EYS: variants seen among roughly 807,000 people sequenced by gnomAD.
The protein encoded by EYS is protein eyes shut homolog.
A neutral mutation model predicts 282.1 loss-of-function variants in EYS; 250 were observed. The ratio of observed to expected loss-of-function variants is 0.89; its 90% CI spans 0.80 to 0.98. EYS has a LOEUF of 0.98. Among genes scored for constraint, EYS ranks in the 50% least tolerant of loss-of-function variants. EYS has a pLI of 0.00. For synonymous variants in EYS, 1,355 were observed against 1,282.9 expected (o/e 1.06, Z -1.20); for missense variants, 4,016 against 3,709.0 (o/e 1.08, Z -2.15).
At chr6:65,145,046 C>T (rs190442593) in intron 12 of EYS, among the ~76,000 whole-genome samples, 1 of 152,026 alleles carries the variant, frequency 6.6e-6, no homozygotes, top group Non-Finnish European at 1.5e-5. Context: ...GCTGAGATTA[C>T]AGGCATGAGC....
At position 65,022,377 on chromosome 6, in the gene EYS, A is replaced by G. The variant is rs1035716368; in HGVS notation, c.2138-24674T>C. Among the ~76,000 whole-genome samples, 4 of 152,220 alleles carry G rather than the reference A, an allele frequency of 2.6e-5. No homozygotes were observed. In the South Asian group the frequency reaches 8.3e-4, roughly 31 times the overall value. ...GCATGCTTATTGCGATAGTAACAAT[A>G]ATAGCTGGTGTAGCATTGGTGGTGT... On this transcript the variant is annotated intron_variant, in intron 13 of 42. Coordinates refer to ENST00000503581, the MANE Select transcript of EYS (RefSeq NM_001142800.2).
At chr6:65,266,989 T>TATATAGAG (rs144200033) in intron 12 of EYS, among the ~76,000 whole-genome samples, 13,647 of 141,926 alleles carry the variant, frequency 0.096, 804 homozygotes, top group Non-Finnish European at 0.13. Flanking sequence ...TATATATATA[T>TATATAGAG]AGAGAGAGAG....
chr6:64,799,616 C>G (rs1774473394), intron 22 of EYS, among the ~76,000 whole-genome samples: 2 of 150,394 alleles, frequency 1.3e-5, no homozygotes. Flanking sequence ...ATATCTGATG[C>G]AATCTATACC....
chr6:65,375,072 C>T (rs920923501), intron 8 of EYS, among the ~76,000 whole-genome samples: 14 of 152,164 alleles, frequency 9.2e-5, no homozygotes, highest in Non-Finnish European at 1.5e-5. Flanking sequence ...TCCCTGACCC[C>T]TGTGCCTCCT....
chr6:64,927,086 A>G (rs1034090386), intron 15 of EYS, among the ~76,000 whole-genome samples: 5 of 152,226 alleles, frequency 3.3e-5, no homozygotes, highest in African/African-American at 4.8e-5. Flanking sequence ...AAATGTTCAA[A>G]TGCACATCTT....
intron 36 of EYS, among the ~76,000 whole-genome samples, chr6:63,815,600 C>T (rs1279574069): frequency 6.6e-6 from 1 of 152,146 alleles, no homozygotes; most frequent in Non-Finnish European, 1.5e-5. Context: ...AATGTAAACA[C>T]ATATTAACTA....
intron 2 of EYS, among the ~76,000 whole-genome samples, chr6:65,516,373 C>G (rs531063189): frequency 2.0e-5 from 3 of 151,988 alleles, no homozygotes; most frequent in Admixed American, 1.3e-4. Flanking sequence ...TATTTAAGTA[C>G]TTTTAATGAT....
At chr6:64,342,817 C>T (rs1386989719) in intron 29 of EYS, among the ~76,000 whole-genome samples, 7 of 152,034 alleles carry the variant, frequency 4.6e-5, no homozygotes, top group Admixed American at 6.6e-5. Context: ...ACCCATCTCA[C>T]GTGCAGAGAC....
chr6:64,097,055 T>G lies in EYS; in HGVS notation c.6425-15053A>C, dbSNP rs887931117. 1.3e-5 allele frequency among the ~76,000 whole-genome samples: 2 copies of G among 152,162 alleles called. 1 individual carries two copies. Among genetic ancestry groups the G allele is most frequent in the Non-Finnish European group, 2.9e-5 (2 of 68,028 alleles). Reference sequence around the variant, plus strand: ...TTGCCTGGGTATCAGCAGCGGAGGCTGCAGAACAGCAGATATTGGTGAACA... The same window carrying G: ...TTGCCTGGGTATCAGCAGCGGAGGCGGCAGAACAGCAGATATTGGTGAACA... On this transcript the variant is annotated intron_variant, in intron 31 of 42. Coordinates refer to ENST00000503581, the MANE Select transcript of EYS (RefSeq NM_001142800.2).
At chr6:64,555,422 T>C (rs1442012173) in intron 26 of EYS, among the ~76,000 whole-genome samples, 2 of 151,888 alleles carry the variant, frequency 1.3e-5, no homozygotes, top group African/African-American at 4.8e-5. Context: ...GAAATAAAGA[T>C]ACCTAATGTA....
chr6:65,471,229 CAAAA>C (rs527251318), intron 5 of EYS, among the ~76,000 whole-genome samples: 4,157 of 96,702 alleles, frequency 0.043, 77 homozygotes, highest in Middle Eastern at 0.084. Context: ...CTCATCTTTA[CAAAA>C]AAAAAAAAAA....
At chr6:64,759,818 C>T (rs577593293) in intron 22 of EYS, among the ~76,000 whole-genome samples, 2 of 152,216 alleles carry the variant, frequency 1.3e-5, no homozygotes, top group South Asian at 4.1e-4. Context: ...TAACAGTTCA[C>T]TTTATAAAAT....
chr6:64,333,992 G>C (rs1228256802), intron 29 of EYS, among the ~76,000 whole-genome samples: 2 of 152,172 alleles, frequency 1.3e-5, no homozygotes, highest in East Asian at 3.9e-4. Flanking sequence ...CAAGTGTTTA[G>C]CTATTAAGGA....
intron 22 of EYS, among the ~76,000 whole-genome samples, chr6:64,796,845 C>T (rs187451191): frequency 1.1e-3 from 164 of 152,154 alleles, no homozygotes; most frequent in African/African-American, 3.9e-3. Flanking sequence ...GTGAGAGATA[C>T]CAAAACATAT....
chr6:64,320,435 T>C (rs1922971), intron 29 of EYS, among the ~76,000 whole-genome samples: 103,981 of 151,558 alleles, frequency 0.69, 35,714 homozygotes, highest in Non-Finnish European at 0.71. Context: ...AGTTTAATGG[T>C]CTTTTATTCT....
At chr6:64,975,899 A>AT (rs1770461669) in intron 14 of EYS, among the ~76,000 whole-genome samples, 1 of 151,812 alleles carries the variant, frequency 6.6e-6, no homozygotes, top group African/African-American at 2.4e-5. Flanking sequence ...CTGGAGGCCT[A>AT]TTTTATGTGA....
chr6:64,958,817 C>A (rs979053706), intron 14 of EYS, among the ~76,000 whole-genome samples: 2 of 142,320 alleles, frequency 1.4e-5, no homozygotes, highest in East Asian at 4.4e-4. Context: ...TGTTTCTTTA[C>A]ATTTTATATT....
intron 29 of EYS, among the ~76,000 whole-genome samples, chr6:64,340,261 C>T (rs1771049720): frequency 6.6e-6 from 1 of 150,626 alleles, no homozygotes; most frequent in Non-Finnish European, 1.5e-5. Flanking sequence ...GCCAAATAGC[C>T]AAATCAATTC....
At chr6:64,605,574 AT>A (rs767277029) in intron 24 of EYS, among the ~76,000 whole-genome samples, 36 of 150,254 alleles carry the variant, frequency 2.4e-4, no homozygotes, top group South Asian at 4.2e-4. Flanking sequence ...CATCCTCTGA[AT>A]TTTTTTTTTC....
Sources: allele counts gnomAD v4.1 joint callset (sites outside exome capture counted in the v4.1 genomes callset), GRCh38; gene constraint gnomAD v4.1.1; transcripts MANE v1.5; gene names NCBI Gene and HGNC (gene_info 2026-07-23, HGNC 2026-07-21).